Variants in TNFSF13 observed in about 807,000 individuals in gnomAD.
TNFSF13 encodes the protein tumor necrosis factor ligand superfamily member 13.
A neutral mutation model predicts 30.7 loss-of-function variants in TNFSF13; 18 were observed. The observed-to-expected ratio is 0.59, with a 90% CI of 0.41 to 0.87. TNFSF13 has a LOEUF of 0.87. Among genes scored for constraint, TNFSF13 ranks in the 40% least tolerant of loss-of-function variants. The probability of loss-of-function intolerance (pLI) is 0.00; values close to 1 mark genes in which losing one functional copy is unlikely to be tolerated. For synonymous variants in TNFSF13, 116 were observed against 123.2 expected, an observed-to-expected ratio of 0.94 and a Z score of 0.39; for missense variants, 286 against 308.8, an observed-to-expected ratio of 0.93 and a Z score of 0.55.
chr17:7,558,897 CTTTT>C lies in TNFSF13; in HGVS notation c.-141_-138del, dbSNP rs1367424950. 1 of 1,061,840 alleles carries C rather than the reference CTTTT, an allele frequency of 9.4e-7. No individual in the cohort carries two copies. The highest frequency in any genetic ancestry group is 1.3e-6 in the Non-Finnish European group (1 of 778,020). The allele number at this position is 1,061,840 out of a possible 1,614,324, so 65.8% of individuals were successfully genotyped here. The stretch of plus-strand genomic sequence containing the variant: ...CCTTAGCTTGCTTTCCTCCTCCCTC[CTTTT>C]TATTTTCAAGTTCCTTTTTATTTCT... On this transcript the variant is annotated 5_prime_UTR_variant, in exon 1 of 6. Transcript: ENST00000338784. This position sits in a 1 kb window ranked among gnomAD's most constrained non-coding sequence, Gnocchi z 4.3.
In TNFSF13 at chr17:7,559,345, G is replaced by C; in HGVS notation, c.258+48G>C. On this transcript the variant is annotated intron_variant, in intron 1 of 5. Coordinates refer to ENST00000338784, the MANE Select transcript of TNFSF13 (RefSeq NM_003808.4). This position sits in a 1 kb window ranked among gnomAD's most constrained non-coding sequence, Gnocchi z 5.4. The stretch of plus-strand genomic sequence containing the variant: ...CTGGGAGAGGATGGTTAGCATGGGG[G>C]GTCTCTGGGCCTCCTGGTCTGCAAA... 6.5e-7 allele frequency: 1 copy of C among 1,529,694 alleles called. No individual in the cohort carries two copies. Among genetic ancestry groups the C allele is most frequent in the Non-Finnish European group, 8.8e-7 (1 of 1,135,694 alleles). 94.8% of individuals were successfully genotyped at this position (1,529,694 alleles called of 1,614,324 possible).
rs371006607 is a variant in TNFSF13 at position 7,560,034 on chromosome 17, C to T, written c.386-15C>T. On this transcript the variant is annotated splice_polypyrimidine_tract_variant and intron_variant, in intron 3 of 5. Coordinates refer to ENST00000338784, the MANE Select transcript of TNFSF13 (RefSeq NM_003808.4). Reference sequence around the variant, plus strand: ...GAGTGCCAAGAAGTCCTGACCGACACACTCTCACCTCCAGATGACTCCGAT... The same window carrying T: ...GAGTGCCAAGAAGTCCTGACCGACATACTCTCACCTCCAGATGACTCCGAT... 1.2e-5 allele frequency: 20 copies of T among 1,614,114 alleles called. No individual in the cohort carries two copies. The highest frequency in any genetic ancestry group is 1.4e-5 in the Non-Finnish European group (17 of 1,180,008).
At position 7,561,214 on chromosome 17, in the gene TNFSF13, C is replaced by T. The variant is rs1177745151; in HGVS notation, c.*381C>T. The T allele has an allele frequency of 2.8e-6, 2 of 702,560 alleles. No individual in the cohort carries two copies. The highest frequency in any genetic ancestry group is 4.8e-6 in the Non-Finnish European group (2 of 416,130). 43.5% of individuals were successfully genotyped at this position (702,560 alleles called of 1,614,324 possible). ...CGAAGCCGCCCTCTGCTAGGGAAAA[C>T]CCCTGGTTCTCCATGCCACACCTCT... On this transcript the variant is annotated 3_prime_UTR_variant, in exon 6 of 6. Transcript: ENST00000338784. The surrounding 1 kb of genome is among the most constrained non-coding windows in gnomAD (Gnocchi z 4.4).
Position 7,560,346 on chromosome 17 carries a change from C to T in TNFSF13, c.505-4C>T. 6.2e-7 allele frequency: 1 copy of T among 1,614,156 alleles called. No individual in the cohort carries two copies. Among genetic ancestry groups the T allele is most frequent in the Non-Finnish European group, 8.5e-7 (1 of 1,180,008 alleles). On this transcript the variant is annotated splice_polypyrimidine_tract_variant and splice_region_variant and intron_variant, in intron 4 of 5. Transcript: ENST00000338784. ...TTTTCTTCAACATCTCCCTTCCCTG[C>T]CAGGTCCTGTTTCAAGACGTGACTT...
chr17:7,559,229 C>A lies in TNFSF13; in HGVS notation c.190C>A (p.Arg64=), dbSNP rs759564930. ...GCAGAGCCTCAGGAGAGAGGTGAGC[C>A]GGCTGCAGGGGACAGGAGGCCCCTC... ...ELQSLRREVS[R]LQGTGGPSQN... The change falls in exon 1 of 6, where the codon CGG becomes AGG. Residue 64 remains arginine (R), a synonymous_variant. Coordinates refer to ENST00000338784, the MANE Select transcript of TNFSF13 (RefSeq NM_003808.4). The surrounding 1 kb of genome is among the most constrained non-coding windows in gnomAD (Gnocchi z 5.4). 1.2e-6 allele frequency: 2 copies of A among 1,610,814 alleles called. No homozygotes were observed. The highest frequency in any genetic ancestry group is 1.1e-5 in the South Asian group (1 of 90,874).
chr17:7,559,084 A>T lies in TNFSF13; in HGVS notation c.45A>T (p.Pro15=). The T allele has an allele frequency of 1.3e-6, 2 of 1,588,220 alleles. No individual in the cohort carries two copies. Among genetic ancestry groups the T allele is most frequent in the Non-Finnish European group, 1.7e-6 (2 of 1,162,790 alleles). The change falls in exon 1 of 6, where the codon CCA becomes CCT. Residue 15 remains proline (P), a synonymous_variant. Coordinates refer to ENST00000338784, the MANE Select transcript of TNFSF13 (RefSeq NM_003808.4). The surrounding 1 kb of genome is among the most constrained non-coding windows in gnomAD (Gnocchi z 5.4). The part of the protein sequence containing the change: ...SPFLLAPKGP[P]GNMGGPVREP... ...TCTTGCTAGCCCCCAAAGGGCCTCCAGGCAACATGGGGGGCCCAGTCAGAG... is the reference window on the plus strand; with the variant it reads ...TCTTGCTAGCCCCCAAAGGGCCTCCTGGCAACATGGGGGGCCCAGTCAGAG...
Position 7,561,022 on chromosome 17 carries a change from C to G in TNFSF13, c.*189C>G. On this transcript the variant is annotated 3_prime_UTR_variant, in exon 6 of 6. Coordinates refer to ENST00000338784, the MANE Select transcript of TNFSF13 (RefSeq NM_003808.4). The surrounding 1 kb of genome is among the most constrained non-coding windows in gnomAD (Gnocchi z 4.4). ...AGACTTTGATTTTACGGATATCTTG[C>G]TTCTGTTCCCCATGGAGCTCCGAAT... 2 of 1,614,134 alleles carry G rather than the reference C, an allele frequency of 1.2e-6. No homozygotes were observed. The highest frequency in any genetic ancestry group is 1.7e-6 in the Non-Finnish European group (2 of 1,180,020).
In TNFSF13 at chr17:7,559,350, C is replaced by T. The variant is rs2071131767; in HGVS notation, c.258+53C>T. 2 of 1,512,740 alleles carry T rather than the reference C, an allele frequency of 1.3e-6. No homozygotes were observed. Among genetic ancestry groups the T allele is most frequent in the African/African-American group, 2.8e-5 (2 of 72,378 alleles). 93.7% of individuals were successfully genotyped at this position (1,512,740 alleles called of 1,614,324 possible). A position where few individuals can be genotyped will look rare whatever the true frequency, so the allele number is the denominator to read the frequency against. On this transcript the variant is annotated intron_variant, in intron 1 of 5. Transcript: ENST00000338784. The surrounding 1 kb of genome is among the most constrained non-coding windows in gnomAD (Gnocchi z 5.4). ...AGAGGATGGTTAGCATGGGGGGTCT[C>T]TGGGCCTCCTGGTCTGCAAAGTTTC...
rs2071186432 is a variant in TNFSF13 at position 7,560,751 on chromosome 17, TTC to T, written c.673_674del (p.Leu225GlufsTer12). ...GTCTTCCATTTACACCAAGGGGATATTCTGAGTGTCATAATTCCCCGGGCAAG... is the reference window on the plus strand; with the variant it reads ...GTCTTCCATTTACACCAAGGGGATATTGAGTGTCATAATTCCCCGGGCAAG... On this transcript the variant is annotated frameshift_variant, in exon 6 of 6. Coordinates refer to ENST00000338784, the MANE Select transcript of TNFSF13 (RefSeq NM_003808.4). LOFTEE classifies it high-confidence loss of function. 3 of 1,614,086 alleles carry T rather than the reference TTC, an allele frequency of 1.9e-6. No individual in the cohort carries two copies. The highest frequency in any genetic ancestry group is 2.5e-6 in the Non-Finnish European group (3 of 1,180,052).
In TNFSF13 at chr17:7,559,306, G is replaced by A. The variant is rs1278736433; in HGVS notation, c.258+9G>A. The A allele has an allele frequency of 6.3e-7, 1 of 1,589,528 alleles. No homozygotes were observed. Among genetic ancestry groups the A allele is most frequent in the Non-Finnish European group, 8.6e-7 (1 of 1,165,932 alleles). ...AGAGTCTCCCGGAGCAGGTGAGTGA[G>A]GGGAGGAGGGTGTCTGGGAGAGGAT... On this transcript the variant is annotated intron_variant, in intron 1 of 5. Coordinates refer to ENST00000338784, the MANE Select transcript of TNFSF13 (RefSeq NM_003808.4). This position sits in a 1 kb window ranked among gnomAD's most constrained non-coding sequence, Gnocchi z 5.4.
chr17:7,561,148 C>T lies in TNFSF13; in HGVS notation c.*315C>T. 2 of 1,372,182 alleles carry T rather than the reference C, an allele frequency of 1.5e-6. No homozygotes were observed. The highest frequency in any genetic ancestry group is 1.4e-5 in the African/African-American group (1 of 69,306). The allele number at this position is 1,372,182 out of a possible 1,614,324, so 85.0% of individuals were successfully genotyped here. A position where few individuals can be genotyped will look rare whatever the true frequency, so the allele number is the denominator to read the frequency against. ...CATCCAGAACAGCACCACCATCTAG[C>T]GGCCGCTCGAGGGAAGCACCCGCCG... On this transcript the variant is annotated 3_prime_UTR_variant, in exon 6 of 6. Coordinates refer to ENST00000338784, the MANE Select transcript of TNFSF13 (RefSeq NM_003808.4). The surrounding 1 kb of genome is among the most constrained non-coding windows in gnomAD (Gnocchi z 4.4).
Position 7,559,780 on chromosome 17 carries a change from T to C in TNFSF13, c.338-66T>C, listed in dbSNP as rs1210244178. 2.5e-6 allele frequency: 4 copies of C among 1,613,562 alleles called. No homozygotes were observed. The African/African-American group carries it at 5.4e-5, about 22-fold the overall frequency. On this transcript the variant is annotated intron_variant, in intron 2 of 5. Coordinates refer to ENST00000338784, the MANE Select transcript of TNFSF13 (RefSeq NM_003808.4). This position sits in a 1 kb window ranked among gnomAD's most constrained non-coding sequence, Gnocchi z 5.4. ...TTGTAAGCCCGAGTCAGGGTGAGGG[T>C]GGAGGCTGCCAACAGCACAACGGGG...
chr17:7,559,576 T>C lies in TNFSF13; in HGVS notation c.259-48T>C, dbSNP rs1168676740. 2 of 1,598,474 alleles carry C rather than the reference T, an allele frequency of 1.3e-6. No homozygotes were observed. The highest frequency in any genetic ancestry group is 1.7e-5 in the Admixed American group (1 of 58,330). On this transcript the variant is annotated intron_variant, in intron 1 of 5. Coordinates refer to ENST00000338784, the MANE Select transcript of TNFSF13 (RefSeq NM_003808.4). This position sits in a 1 kb window ranked among gnomAD's most constrained non-coding sequence, Gnocchi z 5.4. ...GGGAGGGCTGGGAAGGCAGGCTGGC[T>C]GGGACCCTCGCATCTTAACCTAACC...
In TNFSF13 at chr17:7,559,068, C is replaced by A. The variant is rs919541080; in HGVS notation, c.29C>A (p.Ala10Asp). 1.9e-6 allele frequency: 3 copies of A among 1,564,682 alleles called. No homozygotes were observed. Among genetic ancestry groups the A allele is most frequent in the Admixed American group, 3.7e-5 (2 of 54,582 alleles). ...CCAGCCTCATCTCCTTTCTTGCTAGCCCCCAAAGGGCCTCCAGGCAACATG... is the reference window on the plus strand; with the variant it reads ...CCAGCCTCATCTCCTTTCTTGCTAGACCCCAAAGGGCCTCCAGGCAACATG... Reference protein sequence around the residue: MPASSPFLLAPKGPPGNMGG... With the variant: MPASSPFLLDPKGPPGNMGG... Residue 10 changes from alanine to aspartate, a missense_variant, in exon 1 of 6, where the codon GCC becomes GAC. Transcript: ENST00000338784. The surrounding 1 kb of genome is among the most constrained non-coding windows in gnomAD (Gnocchi z 5.4).
At chr17:7,560,679 G>T in intron 5 of TNFSF13, 45 bp from the exon 6 acceptor site, 1 of 1,613,538 alleles carries the variant, frequency 6.2e-7, no homozygotes, top group South Asian at 1.1e-5. Context: ...CAGGGCATCT[G>T]GATGGCTGTG....
chr17:7,560,848 G>C lies in TNFSF13; in HGVS notation c.*15G>C, dbSNP rs1250220156. On this transcript the variant is annotated 3_prime_UTR_variant, in exon 6 of 6. Transcript: ENST00000338784. ...TGAAACTGTGATTGTGTTATAAAAA[G>C]TGGCTCCCAGCTTGGAAGACCAGGG... 1 of 1,613,774 alleles carries C rather than the reference G, an allele frequency of 6.2e-7. No individual in the cohort carries two copies. The highest frequency in any genetic ancestry group is 8.5e-7 in the Non-Finnish European group (1 of 1,179,750).
chr17:7,559,995 C>T lies in TNFSF13; in HGVS notation c.386-54C>T. On this transcript the variant is annotated intron_variant, in intron 3 of 5. Transcript: ENST00000338784. This position sits in a 1 kb window ranked among gnomAD's most constrained non-coding sequence, Gnocchi z 5.4. ...TCCTTATAGGTGAAAGGGAAAGAAC[C>T]AAAAAGCACCTGAGAGTGCCAAGAA... is the stretch of plus-strand genomic sequence containing the variant. 1.9e-6 allele frequency: 3 copies of T among 1,613,806 alleles called. No homozygotes were observed. Among genetic ancestry groups the T allele is most frequent in the Non-Finnish European group, 2.5e-6 (3 of 1,179,910 alleles).
At position 7,560,164 on chromosome 17, in the gene TNFSF13, C is replaced by T; in HGVS notation, c.501C>T (p.Ser167=). Reference sequence around the variant, plus strand: ...ATGCTGGAGTTTATCTGCTGTATAGCCAGGTAACCCCAGCCACACTCTGAG... The same window carrying T: ...ATGCTGGAGTTTATCTGCTGTATAGTCAGGTAACCCCAGCCACACTCTGAG... ...IQDAGVYLLY[S]QVLFQDVTFT... The change falls in exon 4 of 6, where the codon AGC becomes AGT. Residue 167 remains serine (S), a synonymous_variant. Coordinates refer to ENST00000338784, the MANE Select transcript of TNFSF13 (RefSeq NM_003808.4). 6.2e-7 allele frequency: 1 copy of T among 1,614,060 alleles called. No homozygotes were observed. Among genetic ancestry groups the T allele is most frequent in the South Asian group, 1.1e-5 (1 of 91,072 alleles).
intron 5 of TNFSF13, 82 bp from the exon 6 acceptor site, chr17:7,560,642 G>C: frequency 6.2e-7 from 1 of 1,612,200 alleles, no homozygotes; most frequent in African/African-American, 1.3e-5. Flanking sequence ...GCAGAGGAAC[G>C]GTGGAGCTGG....
Sources: gnomAD v4.1 joint callset for allele counts on GRCh38, gnomAD v4.1.1 for gene constraint, Gnocchi (gnomAD v3.1) non-coding constraint, MANE v1.5 for transcripts, NCBI Gene and HGNC (gene_info 2026-07-23, HGNC 2026-07-21) for gene names.